AGBL4: variants seen among roughly 807,000 people sequenced by gnomAD.
The protein encoded by AGBL4 is AGBL carboxypeptidase 4.
AGBL4 carries 58 observed loss-of-function variants against 66.4 expected under a neutral mutation model. The observed-to-expected ratio is 0.87, with a 90% CI of 0.71 to 1.09. The LOEUF (loss-of-function observed/expected upper bound fraction) is 1.09. Among genes scored for constraint, AGBL4 ranks in the 50% least tolerant of loss-of-function variants. The pLI is 0.00. For synonymous variants in AGBL4, 234 were observed against 222.9 expected (o/e 1.05, Z -0.44); for missense variants, 579 against 631.0 (o/e 0.92, Z 0.88).
chr1:48,650,803 A>G (rs559822088), intron 8 of AGBL4, among the ~76,000 whole-genome samples: 2 of 152,320 alleles, frequency 1.3e-5, no homozygotes, highest in Non-Finnish European at 2.9e-5. Flanking sequence ...AACACTGAGT[A>G]CTATTTCCCC....
Position 48,613,726 on chromosome 1 carries a change from G to A in AGBL4, c.951+20767C>T, listed in dbSNP as rs139642127. 5.0e-4 allele frequency among the ~76,000 whole-genome samples: 76 copies of A among 152,284 alleles called. No individual in the cohort carries two copies. The East Asian group carries it at 6.6e-3, about 13-fold the overall frequency. ...CCCTAGATGAGGGATACATACAGCT[G>A]AGCACAGCCAGCAGAGCTGTGGCTG... On this transcript the variant is annotated intron_variant, in intron 9 of 13. Transcript: ENST00000371839.
intron 2 of AGBL4, among the ~76,000 whole-genome samples, chr1:49,710,975 T>C (rs1279672927): frequency 2.6e-5 from 4 of 151,998 alleles, no homozygotes; most frequent in South Asian, 4.2e-4. Context: ...GCATATAAAA[T>C]GTTACTACAC....
intron 3 of AGBL4, among the ~76,000 whole-genome samples, chr1:49,656,968 G>C (rs375482637): frequency 4.4e-4 from 67 of 151,994 alleles, no homozygotes; most frequent in African/African-American, 1.6e-3. Context: ...GCCCTCTTTC[G>C]CCACTCCTAT....
intron 8 of AGBL4, among the ~76,000 whole-genome samples, chr1:48,650,767 G>T (rs1006117178): frequency 6.6e-6 from 1 of 152,126 alleles, no homozygotes; most frequent in African/African-American, 2.4e-5. Flanking sequence ...GGGAGGATGT[G>T]GACCCCCTCT....
chr1:48,823,469 T>G (rs563993602), intron 6 of AGBL4, among the ~76,000 whole-genome samples: 1 of 152,358 alleles, frequency 6.6e-6, no homozygotes, highest in South Asian at 2.1e-4. Context: ...ACCAATCACC[T>G]TTCCTGATTC....
chr1:49,999,275 C>A (rs1447475664), intron 1 of AGBL4, among the ~76,000 whole-genome samples: 1 of 150,636 alleles, frequency 6.6e-6, no homozygotes, highest in Non-Finnish European at 1.5e-5. Flanking sequence ...CTCTGCTATA[C>A]ACCAACAGCA....
intron 6 of AGBL4, among the ~76,000 whole-genome samples, chr1:48,810,314 A>T (rs1431396893): frequency 6.6e-6 from 1 of 152,162 alleles, no homozygotes; most frequent in African/African-American, 2.4e-5. Flanking sequence ...TTTTTGTAAA[A>T]ATATATTCCC....
intron 4 of AGBL4, among the ~76,000 whole-genome samples, chr1:49,234,289 T>C (rs192257816): frequency 3.3e-5 from 5 of 152,186 alleles, no homozygotes; most frequent in Admixed American, 3.3e-4. Context: ...CATAGGAAAA[T>C]CTGACACAGC....
rs375461816 is a variant in AGBL4 at position 49,386,517 on chromosome 1, GAA to G, written c.283-140655_283-140654del. 3.4e-4 allele frequency among the ~76,000 whole-genome samples: 51 copies of G among 152,044 alleles called. 1 individual carries two copies. In the South Asian group the frequency reaches 9.7e-3, roughly 29 times the overall value. On this transcript the variant is annotated intron_variant, in intron 3 of 13. Transcript: ENST00000371839. Reference sequence around the variant, plus strand: ...GTATACGTAAGGAGAATACTAGAAAGAAATAGGCAAAATGGAATTAATTGTGT... The same window carrying G: ...GTATACGTAAGGAGAATACTAGAAAGATAGGCAAAATGGAATTAATTGTGT...
chr1:49,297,565 A>G (rs1233238178), intron 3 of AGBL4, among the ~76,000 whole-genome samples: 4 of 152,208 alleles, frequency 2.6e-5, no homozygotes, highest in African/African-American at 9.6e-5. Context: ...GATGAAGACA[A>G]TGACTCTTGC....
intron 3 of AGBL4, among the ~76,000 whole-genome samples, chr1:49,348,861 A>C (rs1192173326): frequency 6.6e-6 from 1 of 152,234 alleles, no homozygotes; most frequent in East Asian, 1.9e-4. Flanking sequence ...ACAAGGCATT[A>C]GGAGTAGGAA....
intron 5 of AGBL4, among the ~76,000 whole-genome samples, chr1:49,021,725 T>G (rs1663267107): frequency 6.6e-6 from 1 of 152,106 alleles, no homozygotes; most frequent in South Asian, 2.1e-4. Flanking sequence ...TGGGAGAAAA[T>G]TGTTCCTTTT....
intron 4 of AGBL4, among the ~76,000 whole-genome samples, chr1:49,160,728 C>T (rs1246536743): frequency 2.6e-5 from 4 of 152,188 alleles, no homozygotes; most frequent in Admixed American, 1.3e-4. Context: ...GCTTCTGCCT[C>T]TTTTTCAGAG....
chr1:48,673,755 G>C (rs745795503), intron 6 of AGBL4, among the ~76,000 whole-genome samples: 5 of 152,230 alleles, frequency 3.3e-5, no homozygotes, highest in African/African-American at 1.2e-4. Flanking sequence ...AGGCAAGGAA[G>C]GGTCAGTCAT....
chr1:48,924,574 G>A (rs537526129), intron 5 of AGBL4, among the ~76,000 whole-genome samples: 1 of 152,270 alleles, frequency 6.6e-6, no homozygotes, highest in Admixed American at 6.5e-5. Flanking sequence ...CATTTAGACT[G>A]GGGATTTTAT....
intron 12 of AGBL4, among the ~76,000 whole-genome samples, chr1:48,537,548 T>C (rs1364951658): frequency 6.6e-6 from 1 of 152,178 alleles, no homozygotes; most frequent in African/African-American, 2.4e-5. Context: ...GCTCCAGTCC[T>C]GGCTCTGACC....
At chr1:49,919,308 G>C (rs1651943043) in intron 1 of AGBL4, among the ~76,000 whole-genome samples, 1 of 152,210 alleles carries the variant, frequency 6.6e-6, no homozygotes, top group African/African-American at 2.4e-5. Context: ...CCTGTTTGCA[G>C]ATGACATAAT....
At chr1:49,493,479 T>C (rs1474709977) in intron 3 of AGBL4, among the ~76,000 whole-genome samples, 1 of 152,032 alleles carries the variant, frequency 6.6e-6, no homozygotes, top group Non-Finnish European at 1.5e-5. Flanking sequence ...TTCACTGACA[T>C]CTGAAAGATG....
chr1:49,101,810 GC>G (rs1645207487), intron 4 of AGBL4, among the ~76,000 whole-genome samples: 1 of 152,252 alleles, frequency 6.6e-6, no homozygotes, highest in East Asian at 1.9e-4. Context: ...CCTCTAGGCT[GC>G]CCCATAGCAA....
Sources: allele counts gnomAD v4.1 joint callset (sites outside exome capture counted in the v4.1 genomes callset), GRCh38; gene constraint gnomAD v4.1.1; transcripts MANE v1.5; gene names NCBI Gene and HGNC (gene_info 2026-07-23, HGNC 2026-07-21).